DGKB: variants seen among roughly 807,000 people sequenced by gnomAD.
DGKB encodes the protein diacylglycerol kinase beta, also known as 90 kDa diacylglycerol kinase.
DGKB carries 67 observed loss-of-function variants against 114.3 expected under a neutral mutation model. The observed-to-expected ratio is 0.59, with a 90% CI of 0.48 to 0.72. The LOEUF is 0.72. Ranked by LOEUF, DGKB falls within the 30% of genes least tolerant of loss-of-function variation. The pLI, the probability that DGKB is intolerant of heterozygous loss-of-function variation, is 0.00. For synonymous variants in DGKB, 398 were observed against 323.1 expected, an observed-to-expected ratio of 1.23 and a Z score of -2.49; for missense variants, 907 against 975.2, an observed-to-expected ratio of 0.93 and a Z score of 0.93.
intron 13 of DGKB, among the ~76,000 whole-genome samples, chr7:14,659,409 G>C (rs900161134): frequency 8.6e-5 from 13 of 151,640 alleles, no homozygotes; most frequent in African/African-American, 2.9e-4. Context: ...TTATTTCCTT[G>C]AGCAGTAGTT....
At chr7:14,324,782 A>G (rs777175828) in intron 23 of DGKB, among the ~76,000 whole-genome samples, 11 of 152,282 alleles carry the variant, frequency 7.2e-5, no homozygotes, top group Non-Finnish European at 1.6e-4. Flanking sequence ...ATACATATTC[A>G]AAGTCCTGAG....
At chr7:14,640,125 C>G (rs556663158) in intron 13 of DGKB, among the ~76,000 whole-genome samples, 1 of 152,284 alleles carries the variant, frequency 6.6e-6, no homozygotes, top group South Asian at 2.1e-4. Context: ...ACAATATTCA[C>G]CTACTGGACT....
At chr7:14,434,246 G>T (rs2128797109) in intron 21 of DGKB, among the ~76,000 whole-genome samples, 1 of 152,232 alleles carries the variant, frequency 6.6e-6, no homozygotes, top group East Asian at 1.9e-4. Flanking sequence ...TAGGCAGAAA[G>T]TCCTTCTCTG....
At chr7:14,667,878 A>T (rs1323332928) in intron 13 of DGKB, among the ~76,000 whole-genome samples, 1 of 152,100 alleles carries the variant, frequency 6.6e-6, no homozygotes, top group African/African-American at 2.4e-5. Context: ...ATTTTAAAGC[A>T]AAGTGATTTA....
At chr7:14,272,814 C>G (rs144615648) in intron 23 of DGKB, among the ~76,000 whole-genome samples, 12 of 152,172 alleles carry the variant, frequency 7.9e-5, no homozygotes, top group Non-Finnish European at 1.8e-4. Context: ...GCCCTACCAT[C>G]CTTAAGTGAA....
intron 23 of DGKB, among the ~76,000 whole-genome samples, chr7:14,185,350 T>C (rs993617742): frequency 6.6e-6 from 1 of 152,022 alleles, no homozygotes; most frequent in Non-Finnish European, 1.5e-5. Context: ...CAAAACGCTA[T>C]TGAAAAAAAT....
chr7:14,768,056 A>G (rs1836734116), intron 2 of DGKB, among the ~76,000 whole-genome samples: 1 of 152,020 alleles, frequency 6.6e-6, no homozygotes. Flanking sequence ...GGCAATGTGG[A>G]GAAACCAAAG....
chr7:14,536,840 G>T (rs1315353032), intron 20 of DGKB, among the ~76,000 whole-genome samples: 3 of 146,942 alleles, frequency 2.0e-5, no homozygotes, highest in Non-Finnish European at 4.5e-5. Context: ...ATTAAGAAAG[G>T]AAAAAAACAA....
intron 23 of DGKB, among the ~76,000 whole-genome samples, chr7:14,280,262 A>G (rs377309621): frequency 2.0e-5 from 3 of 152,122 alleles, no homozygotes; most frequent in Non-Finnish European, 4.4e-5. Flanking sequence ...GGGTATCAGC[A>G]ATGGAAGATG....
intron 2 of DGKB, among the ~76,000 whole-genome samples, chr7:14,786,137 T>C (rs551078753): frequency 1.4e-5 from 2 of 147,132 alleles, no homozygotes; most frequent in Non-Finnish European, 2.9e-5. Flanking sequence ...TCCAGGAACA[T>C]GTACACACAC....
chr7:14,671,705 A>G lies in DGKB; in HGVS notation c.1134+1224T>C, dbSNP rs77023970. On this transcript the variant is annotated intron_variant, in intron 13 of 25. Transcript: ENST00000402815. ...GACAGATGGGTAGTAGGAAGAAATC[A>G]TAGATCTCATCTTAGAGTTAAAATC... 4.8e-3 allele frequency among the ~76,000 whole-genome samples: 724 copies of G among 152,284 alleles called. 9 individuals are homozygous for G. Among genetic ancestry groups the G allele is most frequent in the African/African-American group, 0.016 (675 of 41,578 alleles).
At chr7:14,260,126 AC>A (rs1796558735) in intron 23 of DGKB, among the ~76,000 whole-genome samples, 1 of 136,558 alleles carries the variant, frequency 7.3e-6, no homozygotes, top group African/African-American at 3.0e-5. Flanking sequence ...ACACACACAC[AC>A]ACACACACAC....
chr7:14,838,636 C>T (rs577293989), intron 2 of DGKB, among the ~76,000 whole-genome samples: 4 of 152,000 alleles, frequency 2.6e-5, no homozygotes, highest in East Asian at 1.9e-4. Flanking sequence ...CTTTTCCAGT[C>T]GTCTTTCATG....
chr7:14,944,329 T>C (rs1377807499), intron 1 of DGKB, among the ~76,000 whole-genome samples: 4 of 151,806 alleles, frequency 2.6e-5, no homozygotes, highest in African/African-American at 7.2e-5. Flanking sequence ...AGTATTGAAA[T>C]TACCTAATGA....
intron 20 of DGKB, among the ~76,000 whole-genome samples, chr7:14,528,991 C>T (rs998423164): frequency 1.3e-5 from 2 of 151,960 alleles, no homozygotes; most frequent in Non-Finnish European, 2.9e-5. Flanking sequence ...TAAACCCAAT[C>T]AAGGGGGTAG....
chr7:14,522,766 T>C (rs1055191706), intron 20 of DGKB, among the ~76,000 whole-genome samples: 4 of 152,172 alleles, frequency 2.6e-5, no homozygotes, highest in African/African-American at 4.8e-5. Flanking sequence ...AGCTTTACAG[T>C]TTTTTGGGGA....
chr7:14,381,120 C>G (rs1319600791), intron 21 of DGKB, among the ~76,000 whole-genome samples: 3 of 152,180 alleles, frequency 2.0e-5, no homozygotes, highest in African/African-American at 7.2e-5. Flanking sequence ...GGCTCGTTCT[C>G]TCTGTGCTGC....
At chr7:14,943,209 C>G (rs778077959) in intron 1 of DGKB, among the ~76,000 whole-genome samples, 1 of 151,554 alleles carries the variant, frequency 6.6e-6, no homozygotes, top group Admixed American at 6.6e-5. Flanking sequence ...AACATTGTTC[C>G]TAGATACAAA....
At chr7:14,312,578 G>A (rs1447977527) in intron 23 of DGKB, among the ~76,000 whole-genome samples, 1 of 152,082 alleles carries the variant, frequency 6.6e-6, no homozygotes, top group Non-Finnish European at 1.5e-5. Context: ...GGTGAAATGG[G>A]GAATATGCAT....
Sources: allele counts gnomAD v4.1 joint callset (sites outside exome capture counted in the v4.1 genomes callset), GRCh38; gene constraint gnomAD v4.1.1; transcripts MANE v1.5; gene names NCBI Gene and HGNC (gene_info 2026-07-23, HGNC 2026-07-21).